Variants in CNBD1 observed in about 807,000 individuals in gnomAD.
The protein encoded by CNBD1 is cyclic nucleotide binding domain containing 1.
CNBD1 carries 71 observed loss-of-function variants against 54.4 expected under a neutral mutation model. The ratio of observed to expected loss-of-function variants is 1.30; its 90% CI spans 1.08 to 1.59. The LOEUF (loss-of-function observed/expected upper bound fraction) is 1.59. Ranked by LOEUF, CNBD1 falls within the 40% of genes most tolerant of loss-of-function variation. The pLI is 0.00. For synonymous variants in CNBD1, 182 were observed against 170.7 expected (o/e 1.07, Z -0.51); for missense variants, 659 against 518.0 (o/e 1.27, Z -2.64).
intron 8 of CNBD1, among the ~76,000 whole-genome samples, chr8:87,350,958 G>A (rs181012505): frequency 5.1e-4 from 77 of 152,176 alleles, no homozygotes; most frequent in Non-Finnish European, 9.7e-4. Flanking sequence ...GACTTTACAA[G>A]TTTGAAAGAA....
chr8:87,238,144 G>A (rs1231330838), intron 6 of CNBD1, among the ~76,000 whole-genome samples: 5 of 148,848 alleles, frequency 3.4e-5, no homozygotes, highest in Non-Finnish European at 7.4e-5. Context: ...TCTGCTTTAG[G>A]TCTTTAGGAG....
chr8:87,238,311 A>G (rs867199189), intron 6 of CNBD1, among the ~76,000 whole-genome samples: 1 of 152,138 alleles, frequency 6.6e-6, no homozygotes, highest in South Asian at 2.1e-4. Flanking sequence ...CCAATGTGGA[A>G]ACTCTACCCA....
intron 10 of CNBD1, among the ~76,000 whole-genome samples, chr8:87,362,910 T>G (rs1586047286): frequency 1.3e-5 from 2 of 152,032 alleles, no homozygotes; most frequent in Non-Finnish European, 2.9e-5. Context: ...AACGTGCAGG[T>G]TTGTTACATG....
At chr8:87,419,335 A>G (rs1375739333) in intron 2 of CNBD1, among the ~76,000 whole-genome samples, 3 of 151,876 alleles carry the variant, frequency 2.0e-5, no homozygotes, top group African/African-American at 7.2e-5. Flanking sequence ...TAATAGGTAC[A>G]GTATTTATCT....
At position 87,070,483 on chromosome 8, in the gene CNBD1, A is replaced by G. The variant is rs142589482; in HGVS notation, c.431+130729A>G. Among the ~76,000 whole-genome samples, 347 of 152,286 alleles carry G rather than the reference A, an allele frequency of 2.3e-3. 2 individuals carry two copies. Among genetic ancestry groups the G allele is most frequent in the African/African-American group, 7.8e-3 (325 of 41,576 alleles). On this transcript the variant is annotated intron_variant, in intron 4 of 10. Transcript: ENST00000518476. The stretch of plus-strand genomic sequence containing the variant: ...AATGCCTGTTACTACTCAAAAATAT[A>G]TTTAAATGCTGAGAATGGCACACTT...
intron 10 of CNBD1, among the ~76,000 whole-genome samples, chr8:87,366,268 G>T (rs1563571464): frequency 6.6e-6 from 1 of 151,954 alleles, no homozygotes; most frequent in Non-Finnish European, 1.5e-5. Context: ...CTAATTTTAG[G>T]GCTGTGGAGA....
chr8:87,323,769 C>G (rs1413920716), intron 8 of CNBD1, among the ~76,000 whole-genome samples: 1 of 119,632 alleles, frequency 8.4e-6, no homozygotes, highest in East Asian at 2.1e-4. Flanking sequence ...TTGACTTCCT[C>G]TTTTCCTAAT....
At chr8:87,129,092 G>A (rs72665029) in intron 4 of CNBD1, among the ~76,000 whole-genome samples, 52,573 of 89,634 alleles carry the variant, frequency 0.59, 12,349 homozygotes, top group Non-Finnish European at 0.62. Flanking sequence ...AAAAAAAAAA[G>A]AATTTTGCTA....
chr8:87,139,319 A>G (rs1812325046), intron 4 of CNBD1, among the ~76,000 whole-genome samples: 1 of 152,216 alleles, frequency 6.6e-6, no homozygotes, highest in Non-Finnish European at 1.5e-5. Context: ...AAGAAAGGAT[A>G]ACACCTAACT....
chr8:87,234,727 G>A (rs555445910), intron 5 of CNBD1, among the ~76,000 whole-genome samples: 1 of 152,224 alleles, frequency 6.6e-6, no homozygotes, highest in South Asian at 2.1e-4. Context: ...AGGAGTAGTG[G>A]CTTCAACTTA....
intron 8 of CNBD1, among the ~76,000 whole-genome samples, chr8:87,289,839 C>G (rs1464661362): frequency 6.6e-6 from 1 of 152,116 alleles, no homozygotes; most frequent in Admixed American, 6.6e-5. Context: ...AATCAAAAGT[C>G]TTAGTCCCAT....
intron 6 of CNBD1, among the ~76,000 whole-genome samples, chr8:87,253,496 G>C (rs1452540434): frequency 6.6e-6 from 1 of 152,138 alleles, no homozygotes; most frequent in African/African-American, 2.4e-5. Context: ...GGAGGTGCCT[G>C]TGCCCTGCCC....
At chr8:87,261,727 T>G (rs915017067) in intron 6 of CNBD1, among the ~76,000 whole-genome samples, 1 of 152,106 alleles carries the variant, frequency 6.6e-6, no homozygotes, top group Non-Finnish European at 1.5e-5. Flanking sequence ...TAAGTTAGGT[T>G]TTCAGTCTTG....
intron 10 of CNBD1, among the ~76,000 whole-genome samples, chr8:87,381,723 G>A (rs1347032603): frequency 6.6e-6 from 1 of 151,888 alleles, no homozygotes; most frequent in Non-Finnish European, 1.5e-5. Context: ...GAGCCTTGAG[G>A]ACATTATGCT....
At chr8:87,206,182 G>A (rs774573498) in intron 5 of CNBD1, 44 bp downstream of exon 5, 6 of 1,415,618 alleles carry the variant, frequency 4.2e-6, no homozygotes, top group Admixed American at 2.6e-5. Context: ...TAAAATGCAG[G>A]CCACTGTTTC....
At chr8:87,385,859 G>A (rs141622148), downstream of CNBD1, among the ~76,000 whole-genome samples, 2,026 of 152,252 alleles carry the variant, frequency 0.013, 27 homozygotes, top group South Asian at 0.024. Context: ...TAACTGGGAG[G>A]CAACACCCAG....
chr8:87,205,974 ATT>A lies in CNBD1; in HGVS notation c.432-5_432-4del, dbSNP rs58151279. On this transcript the variant is annotated splice_polypyrimidine_tract_variant and intron_variant, in intron 4 of 10. Coordinates refer to ENST00000518476, the MANE Select transcript of CNBD1 (RefSeq NM_173538.3). ...TTTATGCCATGGTCTCTGAATTTGT[ATT>A]TTTTTTTTTTTTTGAGGCCCATTCA... 5.7e-3 allele frequency: 7,119 copies of A among 1,244,240 alleles called. No homozygotes were observed. Among genetic ancestry groups the A allele is most frequent in the South Asian group, 0.016 (867 of 53,736 alleles). The allele number at this position is 1,244,240 out of a possible 1,614,324, so 77.1% of individuals were successfully genotyped here. A position where few individuals can be genotyped will look rare whatever the true frequency, so the allele number is the denominator to read the frequency against.
At chr8:86,985,587 T>C (rs183891835) in intron 4 of CNBD1, among the ~76,000 whole-genome samples, 43 of 152,332 alleles carry the variant, frequency 2.8e-4, no homozygotes, top group African/African-American at 1.0e-3. Context: ...TATGGATGCA[T>C]AGTATTCCAT....
At chr8:87,059,636 G>A (rs2130637194) in intron 4 of CNBD1, among the ~76,000 whole-genome samples, 1 of 152,336 alleles carries the variant, frequency 6.6e-6, no homozygotes, top group South Asian at 2.1e-4. Context: ...AAAACCATCA[G>A]ATCTTGTGAG....
Sources: allele counts gnomAD v4.1 joint callset (sites outside exome capture counted in the v4.1 genomes callset), GRCh38; gene constraint gnomAD v4.1.1; transcripts MANE v1.5; gene names NCBI Gene and HGNC (gene_info 2026-07-23, HGNC 2026-07-21).